PID1: variants seen among roughly 807,000 people sequenced by gnomAD.
PID1 encodes PTB-containing, cubilin and LRP1-interacting protein.
A neutral mutation model predicts 19.1 loss-of-function variants in PID1; 10 were observed. That is an observed-to-expected ratio of 0.52 (90% confidence interval 0.32 to 0.89). The LOEUF (loss-of-function observed/expected upper bound fraction) is 0.89, where lower values mean the gene tolerates loss of function less well. Among genes scored for constraint, PID1 ranks in the 40% least tolerant of loss-of-function variants. The probability of loss-of-function intolerance (pLI) is 0.03; values close to 1 mark genes in which losing one functional copy is unlikely to be tolerated. For missense variants in PID1, 248 were observed against 285.3 expected (o/e 0.87, Z 0.94); for synonymous variants, 130 against 116.0 (o/e 1.12, Z -0.78).
At chr2:229,080,430 C>T (rs1336245527) in intron 2 of PID1, among the ~76,000 whole-genome samples, 1 of 152,166 alleles carries the variant, frequency 6.6e-6, no homozygotes, top group African/African-American at 2.4e-5. Context: ...CAACACCCAT[C>T]CTAGCTTCCT....
chr2:229,084,704 A>C (rs1372418956), intron 2 of PID1, among the ~76,000 whole-genome samples: 1 of 152,236 alleles, frequency 6.6e-6, no homozygotes, highest in Non-Finnish European at 1.5e-5. Flanking sequence ...CACCAGACTC[A>C]CAGCCAAGAT....
chr2:229,161,554 T>A (rs1287326058), intron 1 of PID1, among the ~76,000 whole-genome samples: 1 of 152,240 alleles, frequency 6.6e-6, no homozygotes, highest in Non-Finnish European at 1.5e-5. Context: ...TCATGAATTT[T>A]AAAACTGCAG....
At chr2:229,181,167 T>C (rs750993960) in intron 1 of PID1, among the ~76,000 whole-genome samples, 1 of 152,182 alleles carries the variant, frequency 6.6e-6, no homozygotes, top group Non-Finnish European at 1.5e-5. Context: ...TGGGATAATG[T>C]TGGAGAATCT....
rs79784721 is a variant in PID1, at chr2:229,151,554, T to C, written c.177+4264A>G. ...TTCTGTGTTATTGTCAGTTCTGTGT[T>C]ATTAAGACTTCTATTTCTTTTTTTT... On this transcript the variant is annotated intron_variant, in intron 2 of 2. Transcript: ENST00000392055. Among the ~76,000 whole-genome samples, 525 of 152,196 alleles carry C rather than the reference T, an allele frequency of 3.4e-3. 15 individuals are homozygous for C. The East Asian group carries it at 0.088, about 25-fold the overall frequency.
chr2:229,043,314 T>TA (rs1693810600), intron 2 of PID1, among the ~76,000 whole-genome samples: 1 of 123,766 alleles, frequency 8.1e-6, no homozygotes, highest in African/African-American at 2.9e-5. Flanking sequence ...CTGAGAAATT[T>TA]CTTTTTAAGA....
chr2:229,260,612 A>G (rs1309077502), intron 1 of PID1, among the ~76,000 whole-genome samples: 1 of 151,784 alleles, frequency 6.6e-6, no homozygotes, highest in African/African-American at 2.4e-5. Context: ...AAGTATGTGG[A>G]AAAATAACCA....
intron 2 of PID1, among the ~76,000 whole-genome samples, chr2:229,041,270 G>A (rs953846311): frequency 1.3e-5 from 2 of 152,142 alleles, no homozygotes; most frequent in African/African-American, 4.8e-5. Flanking sequence ...GGAGGAAAGT[G>A]CCCAAAGAAT....
intron 1 of PID1, among the ~76,000 whole-genome samples, chr2:229,182,107 T>C (rs954591386): frequency 2.6e-5 from 4 of 152,192 alleles, no homozygotes; most frequent in Non-Finnish European, 4.4e-5. Flanking sequence ...ATGTAACTAC[T>C]GAGTGTGATA....
At chr2:229,068,508 T>C (rs1008913788) in intron 2 of PID1, among the ~76,000 whole-genome samples, 4 of 152,214 alleles carry the variant, frequency 2.6e-5, no homozygotes, top group African/African-American at 9.7e-5. Context: ...GTAATTCAAT[T>C]AGGGTGTCAA....
rs1001779937 is a variant in PID1 at position 229,187,366 on chromosome 2, A to G, written c.31-31402T>C. Among the ~76,000 whole-genome samples, 4 of 152,202 alleles carry G rather than the reference A, an allele frequency of 2.6e-5. No homozygotes were observed. In the East Asian group the frequency reaches 5.8e-4, roughly 22 times the overall value. ...ATACCCGAGACTGGGCAATTTACAA[A>G]AGAAAGAGGTTTAATTGGACTTACA... On this transcript the variant is annotated intron_variant, in intron 1 of 2. Transcript: ENST00000392055.
chr2:229,026,549 C>T (rs753729086), intron 2 of PID1, among the ~76,000 whole-genome samples: 35 of 152,214 alleles, frequency 2.3e-4, no homozygotes, highest in Non-Finnish European at 5.0e-4. Flanking sequence ...TTAAACTTAT[C>T]TCCTAGCCTG....
At chr2:229,098,038 A>G (rs954999548) in intron 2 of PID1, among the ~76,000 whole-genome samples, 2 of 152,218 alleles carry the variant, frequency 1.3e-5, no homozygotes, top group Admixed American at 6.5e-5. Flanking sequence ...AGTTTTGTTC[A>G]GTGCAAAACC....
chr2:229,185,081 A>ATATATATAT (rs1559275358), intron 1 of PID1, among the ~76,000 whole-genome samples: 16 of 146,590 alleles, frequency 1.1e-4, no homozygotes, highest in African/African-American at 3.0e-4. Context: ...TATATATCCT[A>ATATATATAT]CATATATATC....
intron 1 of PID1, among the ~76,000 whole-genome samples, chr2:229,199,777 T>C (rs999920593): frequency 1.3e-5 from 2 of 148,274 alleles, no homozygotes; most frequent in Non-Finnish European, 3.0e-5. Flanking sequence ...CATATATATA[T>C]ACACACACAC....
chr2:229,140,933 G>C (rs1176514044), intron 2 of PID1, among the ~76,000 whole-genome samples: 1 of 151,776 alleles, frequency 6.6e-6, no homozygotes, highest in Non-Finnish European at 1.5e-5. Flanking sequence ...AAATGAGTAG[G>C]GTTCCTAGTA....
At chr2:229,028,778 C>T (rs1693480816) in intron 2 of PID1, among the ~76,000 whole-genome samples, 1 of 152,226 alleles carries the variant, frequency 6.6e-6, no homozygotes, top group African/African-American at 2.4e-5. Flanking sequence ...CCAAATGCCA[C>T]ATGTTCTCAG....
At chr2:229,211,261 G>C (rs147058159) in intron 1 of PID1, among the ~76,000 whole-genome samples, 1 of 152,030 alleles carries the variant, frequency 6.6e-6, no homozygotes, top group Non-Finnish European at 1.5e-5. Flanking sequence ...CCTATTTTGT[G>C]CAGGTTGCTG....
chr2:229,167,899 A>G (rs1308858371), intron 1 of PID1, among the ~76,000 whole-genome samples: 2 of 152,190 alleles, frequency 1.3e-5, no homozygotes, highest in Non-Finnish European at 2.9e-5. Flanking sequence ...GTTGTTAAAC[A>G]TCACTTGTAC....
chr2:229,164,117 C>T (rs1465241111), intron 1 of PID1, among the ~76,000 whole-genome samples: 1 of 152,180 alleles, frequency 6.6e-6, no homozygotes, highest in Middle Eastern at 3.2e-3. Context: ...GCCATGGTCT[C>T]TGCCTGCCCT....
Sources: gnomAD v4.1 joint callset for allele counts (sites outside exome capture counted in the v4.1 genomes callset) on GRCh38, gnomAD v4.1.1 for gene constraint, MANE v1.5 for transcripts, NCBI Gene and HGNC (gene_info 2026-07-23, HGNC 2026-07-21) for gene names.